Variants in COL19A1 observed in about 807,000 individuals in gnomAD.
The protein encoded by COL19A1 is collagen type XIX alpha 1 chain.
A neutral mutation model predicts 190.2 loss-of-function variants in COL19A1; 159 were observed. The observed-to-expected ratio is 0.84, with a 90% CI of 0.73 to 0.95. The LOEUF is 0.95. Among genes scored for constraint, COL19A1 ranks in the 40% least tolerant of loss-of-function variants. The pLI is 0.00. For synonymous variants in COL19A1, 509 were observed against 458.9 expected (o/e 1.11, Z -1.39); for missense variants, 1,418 against 1,431.9 (o/e 0.99, Z 0.16).
Position 70,184,853 on chromosome 6 carries a change from T to C in COL19A1, c.2812-18T>C. On this transcript the variant is annotated intron_variant, in intron 45 of 50. Coordinates refer to ENST00000620364, the MANE Select transcript of COL19A1 (RefSeq NM_001858.6). ...ATCTTGGCAAGGAGTGATTTTCATGTTGACATCTGTTTTTCAGGGCATCAT... is the reference window on the plus strand; with the variant it reads ...ATCTTGGCAAGGAGTGATTTTCATGCTGACATCTGTTTTTCAGGGCATCAT... 6.2e-7 allele frequency: 1 copy of C among 1,612,804 alleles called. No homozygotes were observed. The highest frequency in any genetic ancestry group is 8.5e-7 in the Non-Finnish European group (1 of 1,179,440).
chr6:69,978,608 A>G (rs1459861237), intron 11 of COL19A1, among the ~76,000 whole-genome samples: 1 of 151,818 alleles, frequency 6.6e-6, no homozygotes, highest in African/African-American at 2.4e-5. Flanking sequence ...GTGAAAATAC[A>G]TAGTGTCAAA....
chr6:69,886,846 G>T (rs1166503150), intron 2 of COL19A1, among the ~76,000 whole-genome samples: 1 of 152,056 alleles, frequency 6.6e-6, no homozygotes, highest in Non-Finnish European at 1.5e-5. Context: ...CCTTGTGATA[G>T]CTATTTCCAC....
Position 70,117,822 on chromosome 6 carries a change from G to A in COL19A1, c.1279-4058G>A, listed in dbSNP as rs534877894. ...AACAGACATTGTATAGGCATGACTT[G>A]TGTACAATCATGTTGTGGGTCACTG... On this transcript the variant is annotated intron_variant, in intron 16 of 50. Coordinates refer to ENST00000620364, the MANE Select transcript of COL19A1 (RefSeq NM_001858.6). Among the ~76,000 whole-genome samples, 181 of 152,322 alleles carry A rather than the reference G, an allele frequency of 1.2e-3. 1 individual carries two copies. Among genetic ancestry groups the A allele is most frequent in the African/African-American group, 4.2e-3 (174 of 41,576 alleles).
chr6:70,028,907 C>A (rs1778870973), intron 12 of COL19A1, among the ~76,000 whole-genome samples: 2 of 151,098 alleles, frequency 1.3e-5, no homozygotes, highest in Non-Finnish European at 3.0e-5. Context: ...ACATTTAGCT[C>A]TAATAGGTAC....
chr6:69,880,555 T>G (rs1240685522), intron 2 of COL19A1, among the ~76,000 whole-genome samples: 3 of 152,222 alleles, frequency 2.0e-5, no homozygotes, highest in African/African-American at 7.2e-5. Context: ...AGAGAGACTT[T>G]TGAGTTTGAG....
At chr6:70,064,816 A>G (rs373577972) in intron 14 of COL19A1, among the ~76,000 whole-genome samples, 20 of 152,078 alleles carry the variant, frequency 1.3e-4, no homozygotes, top group Non-Finnish European at 1.6e-4. Flanking sequence ...ACCAATAACA[A>G]ACAAACAGAG....
chr6:70,182,358 T>A (rs545364248), intron 44 of COL19A1, among the ~76,000 whole-genome samples: 1 of 152,052 alleles, frequency 6.6e-6, no homozygotes, highest in Non-Finnish European at 1.5e-5. Context: ...AGACTGAAGG[T>A]AGGTGGATTT....
intron 18 of COL19A1, among the ~76,000 whole-genome samples, chr6:70,135,223 C>G (rs1785777709): frequency 1.3e-5 from 2 of 152,178 alleles, no homozygotes. Context: ...CTCTAAACTT[C>G]AGCTCTACAG....
At chr6:69,988,442 A>AT (rs1776426328) in intron 11 of COL19A1, among the ~76,000 whole-genome samples, 2 of 152,188 alleles carry the variant, frequency 1.3e-5, no homozygotes, top group Admixed American at 6.5e-5. Context: ...GCTTTTCCTT[A>AT]TTAGTTCCCA....
rs148090001 is a variant in COL19A1 at position 70,090,497 on chromosome 6, C to T, written c.1225-11672C>T. Among the ~76,000 whole-genome samples the T allele has an allele frequency of 4.8e-3, 723 of 149,212 alleles. 7 individuals are homozygous for T. Among genetic ancestry groups the T allele is most frequent in the African/African-American group, 0.017 (682 of 41,006 alleles). ...CATTTTATATAAGATACTTGAATGG[C>T]TATGAATTTTGGTATTGGACAGTGG... On this transcript the variant is annotated intron_variant, in intron 15 of 50. Transcript: ENST00000620364.
At chr6:70,184,801 C>A in intron 45 of COL19A1, 63 bp downstream of exon 45, 3 of 1,602,760 alleles carry the variant, frequency 1.9e-6, no homozygotes, top group Admixed American at 1.7e-5. Context: ...TACCTACCAA[C>A]ATTTACATCA....
intron 12 of COL19A1, among the ~76,000 whole-genome samples, chr6:70,025,091 C>T (rs920033592): frequency 2.0e-5 from 3 of 150,366 alleles, no homozygotes; most frequent in African/African-American, 4.9e-5. Context: ...GTGGCAGTGG[C>T]ATGATCTCGG....
At chr6:69,886,628 T>TG (rs56897787) in intron 2 of COL19A1, among the ~76,000 whole-genome samples, 16,513 of 151,808 alleles carry the variant, frequency 0.11, 976 homozygotes, top group Middle Eastern at 0.14. Flanking sequence ...TTTTTTTTTT[T>TG]TGTGTGGTGA....
At chr6:69,992,659 A>G (rs552210431) in intron 11 of COL19A1, among the ~76,000 whole-genome samples, 1 of 152,058 alleles carries the variant, frequency 6.6e-6, no homozygotes, top group African/African-American at 2.4e-5. Context: ...CTCATTGTAG[A>G]GATCTTTCAC....
At chr6:70,088,354 A>C (rs1393483974) in intron 15 of COL19A1, among the ~76,000 whole-genome samples, 2 of 152,154 alleles carry the variant, frequency 1.3e-5, no homozygotes, top group Non-Finnish European at 1.5e-5. Flanking sequence ...AATAAATGAA[A>C]GAGGATGTAC....
chr6:70,022,435 A>T (rs1046603970), intron 11 of COL19A1, among the ~76,000 whole-genome samples: 1 of 152,154 alleles, frequency 6.6e-6, no homozygotes, highest in African/African-American at 2.4e-5. Context: ...TATTACTTTG[A>T]TTTGTTTTCT....
At position 70,016,390 on chromosome 6, in the gene COL19A1, GAAAA is replaced by G. The variant is rs1399901785; in HGVS notation, c.1027-7228_1027-7225del. 1.3e-3 allele frequency among the ~76,000 whole-genome samples: 128 copies of G among 95,690 alleles called. 10 individuals carry two copies. Among genetic ancestry groups the G allele is most frequent in the Non-Finnish European group, 2.2e-3 (116 of 52,210 alleles). 62.8% of individuals were successfully genotyped at this position (95,690 alleles called of 152,430 possible). On this transcript the variant is annotated intron_variant, in intron 11 of 50. Coordinates refer to ENST00000620364, the MANE Select transcript of COL19A1 (RefSeq NM_001858.6). ...ATAAAAAAAAAAAAAAAAAACACAT[GAAAA>G]AAAAAAAACAAAACAAAACAAAGCA...
chr6:69,897,288 G>T (rs1209711044), intron 2 of COL19A1, among the ~76,000 whole-genome samples: 1 of 152,078 alleles, frequency 6.6e-6, no homozygotes, highest in Non-Finnish European at 1.5e-5. Context: ...GAGACCATAC[G>T]TTTTGGGTTA....
intron 15 of COL19A1, among the ~76,000 whole-genome samples, chr6:70,081,316 G>T (rs1335910198): frequency 3.3e-5 from 5 of 151,864 alleles, no homozygotes; most frequent in African/African-American, 1.2e-4. Context: ...TACCTATAAT[G>T]GGCTTTCTTA....
Sources: allele counts gnomAD v4.1 joint callset (sites outside exome capture counted in the v4.1 genomes callset), GRCh38; gene constraint gnomAD v4.1.1; transcripts MANE v1.5; gene names NCBI Gene and HGNC (gene_info 2026-07-23, HGNC 2026-07-21).